The following CDH4 variants were observed in gnomAD, a reference collection of about 807,000 sequenced individuals.
The protein encoded by CDH4 is cadherin 4.
Under a neutral mutation model 86.0 loss-of-function variants are expected in CDH4, and 33 were observed. The observed-to-expected ratio is 0.38, with a 90% CI of 0.29 to 0.51. The LOEUF (loss-of-function observed/expected upper bound fraction) is 0.51, where lower values mean the gene tolerates loss of function less well. Ranked by LOEUF, CDH4 falls within the 20% of genes least tolerant of loss-of-function variation. CDH4 has a pLI of 0.86. For synonymous variants in CDH4, 555 were observed against 549.4 expected, an observed-to-expected ratio of 1.01 and a Z score of -0.14; for missense variants, 1,114 against 1,307.4, an observed-to-expected ratio of 0.85 and a Z score of 2.28.
intron 2 of CDH4, among the ~76,000 whole-genome samples, chr20:61,492,277 A>C (rs1027944371): frequency 2.0e-5 from 3 of 147,686 alleles, no homozygotes; most frequent in African/African-American, 7.5e-5. Context: ...AGTATTGTTG[A>C]TGTTGGTGGT....
intron 5 of CDH4, among the ~76,000 whole-genome samples, chr20:61,847,769 C>G (rs1419929382): frequency 6.6e-6 from 1 of 152,080 alleles, no homozygotes; most frequent in African/African-American, 2.4e-5. Flanking sequence ...AGCAGACGTC[C>G]CACGTGGCAG....
intron 15 of CDH4, among the ~76,000 whole-genome samples, chr20:61,935,211 C>CACTT (rs2055168332): frequency 1.3e-5 from 2 of 152,212 alleles, no homozygotes; most frequent in Admixed American, 1.3e-4. Context: ...GGTTTAGCAA[C>CACTT]ACTTAGACCT....
Position 61,577,361 on chromosome 20 carries a change from G to GTGTGTTGAAGGATGAGTGGATGTTTTC in CDH4, c.170-166177_170-166176insTCTGTGTTGAAGGATGAGTGGATGTTT, listed in dbSNP as rs2086389928. Among the ~76,000 whole-genome samples the GTGTGTTGAAGGATGAGTGGATGTTTTC allele has an allele frequency of 3.9e-5, 6 of 152,004 alleles. 3 individuals are homozygous for GTGTGTTGAAGGATGAGTGGATGTTTTC. Among genetic ancestry groups the GTGTGTTGAAGGATGAGTGGATGTTTTC allele is most frequent in the Admixed American group, 1.3e-4 (2 of 15,278 alleles). ...GTGTTGAAGGATGAGTGGATGTTTT[G>GTGTGTTGAAGGATGAGTGGATGTTTTC]TGTGTTGAAGGATGAGTGGATGTTT... On this transcript the variant is annotated intron_variant, in intron 2 of 15. Coordinates refer to ENST00000614565, the MANE Select transcript of CDH4 (RefSeq NM_001794.5).
Position 61,684,940 on chromosome 20 carries a change from A to G in CDH4, c.170-58623A>G, listed in dbSNP as rs1452623166. Among the ~76,000 whole-genome samples the G allele has an allele frequency of 6.6e-6, 1 of 152,226 alleles. No homozygotes were observed. Among genetic ancestry groups the G allele is most frequent in the African/African-American group, 2.4e-5 (1 of 41,448 alleles). Reference sequence around the variant, plus strand: ...GAAATTCCCCTGTTTAAAGTGTACAATTCAATGGTCCTTAGTCAATTCAGA... The same window carrying G: ...GAAATTCCCCTGTTTAAAGTGTACAGTTCAATGGTCCTTAGTCAATTCAGA... On this transcript the variant is annotated intron_variant, in intron 2 of 15. Transcript: ENST00000614565. This position sits in a 1 kb window ranked among gnomAD's most constrained non-coding sequence, Gnocchi z 4.5.
intron 9 of CDH4, among the ~76,000 whole-genome samples, chr20:61,920,954 C>T (rs1398704079): frequency 7.3e-6 from 1 of 137,336 alleles, no homozygotes; most frequent in East Asian, 2.2e-4. Flanking sequence ...ACAGTAATTG[C>T]ATGGAAGCAT....
intron 2 of CDH4, among the ~76,000 whole-genome samples, chr20:61,295,510 G>A (rs966303793): frequency 6.6e-6 from 1 of 152,216 alleles, no homozygotes; most frequent in African/African-American, 2.4e-5. Flanking sequence ...GAAGTAATCA[G>A]TAGCAATGGC....
chr20:61,594,736 C>T (rs1480843080), intron 2 of CDH4, among the ~76,000 whole-genome samples: 2 of 152,180 alleles, frequency 1.3e-5, no homozygotes, highest in Admixed American at 6.5e-5. Flanking sequence ...AAGACGCCGC[C>T]GTGTCTGCAG....
chr20:61,532,792 T>A (rs11204431), intron 2 of CDH4, among the ~76,000 whole-genome samples: 2 of 151,840 alleles, frequency 1.3e-5, no homozygotes, highest in Non-Finnish European at 2.9e-5. Context: ...ATGAAAGGCA[T>A]GTGATGAGTT....
At chr20:61,756,147 C>A (rs1227404793) in intron 3 of CDH4, among the ~76,000 whole-genome samples, 1 of 152,194 alleles carries the variant, frequency 6.6e-6, no homozygotes, top group African/African-American at 2.4e-5. Flanking sequence ...GAGGTGCAGG[C>A]TTCGTTAGCG....
At chr20:61,880,149 T>C (rs542951067) in intron 7 of CDH4, among the ~76,000 whole-genome samples, 47 of 152,340 alleles carry the variant, frequency 3.1e-4, no homozygotes, top group African/African-American at 1.1e-3. Flanking sequence ...CAAATTCCAG[T>C]AGAAAGTGTT....
At chr20:61,434,057 A>C (rs2085266262) in intron 2 of CDH4, among the ~76,000 whole-genome samples, 1 of 152,108 alleles carries the variant, frequency 6.6e-6, no homozygotes, top group Non-Finnish European at 1.5e-5. Flanking sequence ...GTTACCCTCT[A>C]GCATGTACCA....
At chr20:61,698,799 T>C (rs1177941069) in intron 2 of CDH4, among the ~76,000 whole-genome samples, 1 of 152,212 alleles carries the variant, frequency 6.6e-6, no homozygotes, top group Non-Finnish European at 1.5e-5. Context: ...GGGTCACTGC[T>C]GGAAGGAAGG....
At chr20:61,563,557 A>C (rs2086239014) in intron 2 of CDH4, among the ~76,000 whole-genome samples, 1 of 152,174 alleles carries the variant, frequency 6.6e-6, no homozygotes, top group South Asian at 2.1e-4. Flanking sequence ...CTGCCCCCTC[A>C]CCAGCATTCC....
chr20:61,588,324 T>C (rs2086493381), intron 2 of CDH4, among the ~76,000 whole-genome samples: 1 of 152,046 alleles, frequency 6.6e-6, no homozygotes, highest in Non-Finnish European at 1.5e-5. Flanking sequence ...GCAGCCTCCA[T>C]CAGTCAAGTG....
intron 2 of CDH4, among the ~76,000 whole-genome samples, chr20:61,620,670 A>G (rs1367427921): frequency 6.6e-6 from 1 of 152,250 alleles, no homozygotes; most frequent in African/African-American, 2.4e-5. Context: ...TATTTAAATT[A>G]TTTTAATTTT....
At chr20:61,710,882 C>G (rs139605117) in intron 2 of CDH4, among the ~76,000 whole-genome samples, 2 of 152,214 alleles carry the variant, frequency 1.3e-5, no homozygotes, top group Non-Finnish European at 2.9e-5. Context: ...GCGCGCCTGC[C>G]GGGGAGAGTG....
At chr20:61,256,216 G>A (rs1000076801) in intron 2 of CDH4, among the ~76,000 whole-genome samples, 8 of 152,136 alleles carry the variant, frequency 5.3e-5, no homozygotes, top group African/African-American at 1.9e-4. Context: ...CTCTCAGTGC[G>A]TTGGACGGTC....
At chr20:61,677,312 T>C (rs1423244855) in intron 2 of CDH4, among the ~76,000 whole-genome samples, 2 of 152,158 alleles carry the variant, frequency 1.3e-5, no homozygotes, top group African/African-American at 4.8e-5. Context: ...CTGTATGCAA[T>C]GCACGAGCAG....
chr20:61,817,015 C>T (rs368584971), intron 4 of CDH4, among the ~76,000 whole-genome samples: 1 of 152,228 alleles, frequency 6.6e-6, no homozygotes, highest in Non-Finnish European at 1.5e-5. Flanking sequence ...AAAGGCTTGG[C>T]CGCCGCATGG....
Sources: allele counts gnomAD v4.1 joint callset (sites outside exome capture counted in the v4.1 genomes callset), GRCh38; gene constraint gnomAD v4.1.1; non-coding constraint Gnocchi (gnomAD v3.1); transcripts MANE v1.5; gene names NCBI Gene and HGNC (gene_info 2026-07-23, HGNC 2026-07-21).